Variants in DPY19L1 observed in about 807,000 individuals in gnomAD.
The protein encoded by DPY19L1 is protein C-mannosyl-transferase DPY19L1.
In DPY19L1, 35 loss-of-function variants were observed where a neutral mutation model predicts 96.9. That is an observed-to-expected ratio of 0.36 (90% CI 0.28 to 0.48). The LOEUF (loss-of-function observed/expected upper bound fraction) is 0.48. Ranked by LOEUF, DPY19L1 falls within the 20% of genes least tolerant of loss-of-function variation. The pLI, the probability that DPY19L1 is intolerant of heterozygous loss-of-function variation, is 0.99. For synonymous variants in DPY19L1, 205 were observed against 252.6 expected, an observed-to-expected ratio of 0.81 and a Z score of 1.79; for missense variants, 521 against 777.9, an observed-to-expected ratio of 0.67 and a Z score of 3.93.
intron 7 of DPY19L1, among the ~76,000 whole-genome samples, chr7:34,985,089 A>G (rs548235759): frequency 1.8e-4 from 27 of 152,282 alleles, no homozygotes; most frequent in African/African-American, 6.3e-4. Flanking sequence ...AAACGAAGTA[A>G]GAGGTCCACA....
chr7:34,951,105 A>G (rs935096028), intron 13 of DPY19L1, among the ~76,000 whole-genome samples: 30 of 152,262 alleles, frequency 2.0e-4, no homozygotes, highest in Admixed American at 1.6e-3. Context: ...AATTAACAAA[A>G]AAGCAAGATT....
chr7:35,014,111 T>A (rs1785781093), intron 3 of DPY19L1, among the ~76,000 whole-genome samples: 1 of 152,160 alleles, frequency 6.6e-6, no homozygotes, highest in African/African-American at 2.4e-5. Context: ...TCTAACTGCT[T>A]ATTTTAATCC....
intron 7 of DPY19L1, among the ~76,000 whole-genome samples, chr7:34,984,371 A>T (rs1356651426): frequency 6.6e-6 from 1 of 152,200 alleles, no homozygotes; most frequent in African/African-American, 2.4e-5. Context: ...CAGCATGTGC[A>T]AAGGCCCTGA....
At chr7:35,023,816 T>C (rs1786052610) in intron 1 of DPY19L1, among the ~76,000 whole-genome samples, 1 of 144,178 alleles carries the variant, frequency 6.9e-6, no homozygotes, top group Admixed American at 7.5e-5. Context: ...AGAAATATAT[T>C]CTTTTTCTTT....
At chr7:34,986,833 C>T (rs1014357337) in intron 7 of DPY19L1, among the ~76,000 whole-genome samples, 5 of 151,932 alleles carry the variant, frequency 3.3e-5, no homozygotes, top group East Asian at 1.9e-4. Context: ...GAAGTACTTT[C>T]GGGGGCAATC....
At chr7:34,967,274 G>C (rs1372053805) in intron 9 of DPY19L1, among the ~76,000 whole-genome samples, 1 of 152,062 alleles carries the variant, frequency 6.6e-6, no homozygotes, top group Non-Finnish European at 1.5e-5. Flanking sequence ...CAATTAAAAA[G>C]TGCCTTGTCC....
At chr7:34,955,476 C>A in intron 11 of DPY19L1, 109 bp from the exon 12 acceptor site, 1 of 1,411,912 alleles carries the variant, frequency 7.1e-7, no homozygotes, top group Non-Finnish European at 9.6e-7. Context: ...TAAAATTTAG[C>A]ACATGGTTGA....
intron 10 of DPY19L1, 130 bp downstream of exon 10, chr7:34,966,764 T>C (rs942215882): frequency 3.3e-6 from 3 of 905,718 alleles, no homozygotes; most frequent in East Asian, 3.6e-5. Context: ...GTTGATTATA[T>C]CACAATGTTT....
chr7:34,952,125 A>G (rs1312862072), intron 13 of DPY19L1, among the ~76,000 whole-genome samples: 1 of 80,674 alleles, frequency 1.2e-5, no homozygotes, highest in Non-Finnish European at 3.1e-5. Context: ...AAAAAAAAAG[A>G]CCACAAAAAA....
At chr7:35,038,024 C>G (rs1220377137), upstream of DPY19L1, 12 of 781,580 alleles carry the variant, frequency 1.5e-5, no homozygotes, top group African/African-American at 1.3e-4. Context: ...AGAAGGCGCC[C>G]GGAGCGGCCA....
intron 1 of DPY19L1, among the ~76,000 whole-genome samples, chr7:35,034,414 A>G (rs1192698873): frequency 6.6e-6 from 1 of 152,240 alleles, no homozygotes; most frequent in Non-Finnish European, 1.5e-5. Context: ...TTTGGGAAAC[A>G]TTGTCAAGGT....
At chr7:34,932,718 C>T (rs1401427372) in intron 21 of DPY19L1, among the ~76,000 whole-genome samples, 1 of 152,084 alleles carries the variant, frequency 6.6e-6, no homozygotes, top group Non-Finnish European at 1.5e-5. Context: ...AATAACAGTA[C>T]CATTTATCTT....
intron 16 of DPY19L1, among the ~76,000 whole-genome samples, chr7:34,944,272 C>T (rs1210270010): frequency 2.8e-5 from 4 of 145,420 alleles, no homozygotes; most frequent in Non-Finnish European, 6.0e-5. Context: ...CTGAGGCAGA[C>T]GAATCGCCTG....
intron 1 of DPY19L1, among the ~76,000 whole-genome samples, chr7:35,020,014 C>T (rs1383008399): frequency 1.3e-5 from 2 of 152,070 alleles, no homozygotes; most frequent in African/African-American, 4.8e-5. Context: ...AGCCTATTGT[C>T]CCAGCTACTC....
intron 8 of DPY19L1, among the ~76,000 whole-genome samples, chr7:34,971,411 G>C (rs2128668192): frequency 6.6e-6 from 1 of 152,252 alleles, no homozygotes; most frequent in Middle Eastern, 3.4e-3. Context: ...CAAGCAGGGA[G>C]CCATGACAAC....
chr7:34,980,598 G>A (rs1784919753), intron 7 of DPY19L1, among the ~76,000 whole-genome samples: 1 of 152,074 alleles, frequency 6.6e-6, no homozygotes, highest in Non-Finnish European at 1.5e-5. Flanking sequence ...TCCCATATAT[G>A]AATAAAATAA....
At chr7:34,965,731 A>C (rs1256680667) in intron 10 of DPY19L1, among the ~76,000 whole-genome samples, 1 of 152,212 alleles carries the variant, frequency 6.6e-6, no homozygotes, top group East Asian at 1.9e-4. Context: ...TAACAGGAAA[A>C]GAAAACATCA....
At chr7:35,006,710 A>G (rs1018004684) in intron 6 of DPY19L1, among the ~76,000 whole-genome samples, 1 of 152,224 alleles carries the variant, frequency 6.6e-6, no homozygotes, top group Non-Finnish European at 1.5e-5. Context: ...GTGTTTGCAA[A>G]ACAGATCTCA....
intron 1 of DPY19L1, among the ~76,000 whole-genome samples, chr7:35,032,713 A>G (rs1358387768): frequency 4.6e-5 from 7 of 151,808 alleles, no homozygotes. Flanking sequence ...CTTCAAACCC[A>G]TTCCCTCATC....
Sources: allele counts gnomAD v4.1 joint callset (sites outside exome capture counted in the v4.1 genomes callset), GRCh38; gene constraint gnomAD v4.1.1; transcripts MANE v1.5; gene names NCBI Gene and HGNC (gene_info 2026-07-23, HGNC 2026-07-21).